Variants in RBM44 observed in about 807,000 individuals in gnomAD.
RBM44 encodes the protein RNA binding motif protein 44.
RBM44 carries 66 observed loss-of-function variants against 105.1 expected under a neutral mutation model. The observed-to-expected ratio is 0.63, with a 90% CI of 0.52 to 0.77. The LOEUF (loss-of-function observed/expected upper bound fraction) is 0.77. RBM44 is among the 30% of genes least tolerant of loss of function. The pLI, the probability that RBM44 is intolerant of heterozygous loss-of-function variation, is 0.00. For synonymous variants in RBM44, 365 were observed against 417.6 expected (o/e 0.87, Z 1.54); for missense variants, 1,122 against 1,207.8 (o/e 0.93, Z 1.05).
In RBM44 at chr2:237,805,176, G is replaced by C. The variant is rs141524930; in HGVS notation, c.-19+6315G>C. Among the ~76,000 whole-genome samples, 61 of 152,242 alleles carry C rather than the reference G, an allele frequency of 4.0e-4. 2 individuals carry two copies. The East Asian group carries it at 0.012, about 29-fold the overall frequency. ...ATATATCAGTGTATAAAAACCAGTA[G>C]CATTTATATACGCCAACAATGACAA... On this transcript the variant is annotated intron_variant, in intron 1 of 15. Coordinates refer to ENST00000316997, the MANE Select transcript of RBM44 (RefSeq NM_001080504.3).
At chr2:237,839,759 C>T (rs1376032518) in intron 15 of RBM44, among the ~76,000 whole-genome samples, 3 of 152,110 alleles carry the variant, frequency 2.0e-5, no homozygotes, top group Non-Finnish European at 4.4e-5. Context: ...ACAACAAAAG[C>T]ATGGACAACA....
At chr2:237,826,146 T>C (rs1373010214) in intron 10 of RBM44, among the ~76,000 whole-genome samples, 30 of 152,096 alleles carry the variant, frequency 2.0e-4, no homozygotes. Flanking sequence ...GCTACTCTTA[T>C]ATATTATTTA....
intron 15 of RBM44, 37 bp downstream of exon 15, chr2:237,834,460 T>C: frequency 9.5e-7 from 1 of 1,051,464 alleles, no homozygotes; most frequent in Non-Finnish European, 1.3e-6. Flanking sequence ...TGAATATTAC[T>C]TAAAATTTAT....
At chr2:237,808,024 T>C (rs2061616472) in intron 1 of RBM44, among the ~76,000 whole-genome samples, 1 of 152,004 alleles carries the variant, frequency 6.6e-6, no homozygotes, top group Admixed American at 6.6e-5. Context: ...AAAACAATAA[T>C]AGACAATACA....
intron 15 of RBM44, 38 bp downstream of exon 15, chr2:237,834,461 T>C: frequency 9.9e-7 from 1 of 1,010,722 alleles, no homozygotes; most frequent in South Asian, 2.0e-5. Flanking sequence ...GAATATTACT[T>C]AAAATTTATA....
intron 1 of RBM44, among the ~76,000 whole-genome samples, chr2:237,802,349 T>C (rs751111694): frequency 6.6e-6 from 1 of 152,172 alleles, no homozygotes; most frequent in Non-Finnish European, 1.5e-5. Flanking sequence ...GAACTGTGCA[T>C]GTGAGGGATC....
At chr2:237,805,638 A>C (rs1054661742) in intron 1 of RBM44, among the ~76,000 whole-genome samples, 7 of 152,184 alleles carry the variant, frequency 4.6e-5, no homozygotes, top group African/African-American at 1.7e-4. Flanking sequence ...ACCATATACA[A>C]AAATTAACTG....
At position 237,834,065 on chromosome 2, in the gene RBM44, A is replaced by T; in HGVS notation, c.2955A>T (p.Ile985=). Residue 985 remains isoleucine (I), a synonymous_variant, in exon 14 of 16, where the codon ATA becomes ATT. Coordinates refer to ENST00000316997, the MANE Select transcript of RBM44 (RefSeq NM_001080504.3). ...TACCTGATACACCCGTTCAATTCAT[A>T]CCTCCAAATACATTGAACCTTCGTA... ...KLLPDTPVQF[I]PPNTLNLRSF... The T allele has an allele frequency of 6.3e-7, 1 of 1,577,014 alleles. No homozygotes were observed. The highest frequency in any genetic ancestry group is 1.3e-5 in the African/African-American group (1 of 74,542).
Position 237,817,128 on chromosome 2 carries a change from A to G in RBM44, c.209A>G (p.Asn70Ser). 6.2e-7 allele frequency: 1 copy of G among 1,609,462 alleles called. No individual in the cohort carries two copies. Among genetic ancestry groups the G allele is most frequent in the Non-Finnish European group, 8.5e-7 (1 of 1,178,336 alleles). ...AGAGCTAATAATAAAGAAATCAGCAATATTGACAAAATGGATTTATTAGAG... is the reference window on the plus strand; with the variant it reads ...AGAGCTAATAATAAAGAAATCAGCAGTATTGACAAAATGGATTTATTAGAG... The part of the protein sequence containing the change: ...EQRANNKEIS[N>S]IDKMDLLEPF... The change falls in exon 3 of 16, where the codon AAT becomes AGT. Residue 70 changes from asparagine (N) to serine (S), a missense_variant. Asn to Ser is a conservative substitution (Grantham distance 46). Around this residue, in one of 3 missense-constraint regions of RBM44, gnomAD observed 918 missense variants for 955.3 expected, o/e 0.96. Transcript: ENST00000316997.
At chr2:237,815,087 G>A (rs1228711191) in intron 2 of RBM44, among the ~76,000 whole-genome samples, 2 of 152,236 alleles carry the variant, frequency 1.3e-5, no homozygotes, top group East Asian at 3.9e-4. Flanking sequence ...GGTGGCTGAG[G>A]CAGGAAGATT....
At chr2:237,799,993 T>C (rs749775363) in intron 1 of RBM44, among the ~76,000 whole-genome samples, 2 of 152,166 alleles carry the variant, frequency 1.3e-5, no homozygotes, top group Non-Finnish European at 2.9e-5. Flanking sequence ...AAAATGGGCA[T>C]GTACCTAGGA....
At chr2:237,805,377 A>G (rs1476025023) in intron 1 of RBM44, among the ~76,000 whole-genome samples, 1 of 152,226 alleles carries the variant, frequency 6.6e-6, no homozygotes, top group Non-Finnish European at 1.5e-5. Context: ...GCTCATGGAT[A>G]AAAAGAATAA....
At chr2:237,800,558 C>T (rs7340135) in intron 1 of RBM44, among the ~76,000 whole-genome samples, 4 of 152,310 alleles carry the variant, frequency 2.6e-5, no homozygotes, top group African/African-American at 9.6e-5. Flanking sequence ...TTGCTCTTCT[C>T]ACCAATTTTT....
intron 1 of RBM44, among the ~76,000 whole-genome samples, 177 bp from the exon 2 acceptor site, chr2:237,813,415 T>C (rs1354262057): frequency 7.2e-5 from 11 of 152,360 alleles, no homozygotes; most frequent in Non-Finnish European, 1.3e-4. Context: ...TAGGGTGATA[T>C]TATGGTCTTT....
At position 237,824,233 on chromosome 2, in the gene RBM44, C is replaced by A. The variant is rs552911074; in HGVS notation, c.2321-58C>A. 1.2e-3 allele frequency: 1,948 copies of A among 1,572,922 alleles called. 7 individuals are homozygous for A. Among genetic ancestry groups the A allele is most frequent in the Middle Eastern group, 7.5e-3 (44 of 5,894 alleles). On this transcript the variant is annotated intron_variant, in intron 9 of 15. Coordinates refer to ENST00000316997, the MANE Select transcript of RBM44 (RefSeq NM_001080504.3). ...TGATTCATCCATGGTTTTAAGGTAA[C>A]TTTTCAGTGTGTTGGACGTTACGTG...
intron 1 of RBM44, among the ~76,000 whole-genome samples, chr2:237,810,873 T>C (rs1275027418): frequency 6.6e-6 from 1 of 152,198 alleles, no homozygotes; most frequent in Non-Finnish European, 1.5e-5. Flanking sequence ...AGGCCACCTC[T>C]CGGGCATTTG....
At chr2:237,799,595 C>G (rs1452419313) in intron 1 of RBM44, among the ~76,000 whole-genome samples, 1 of 152,072 alleles carries the variant, frequency 6.6e-6, no homozygotes. Context: ...CGTGAGCCAC[C>G]GCGCCCGGCC....
intron 2 of RBM44, among the ~76,000 whole-genome samples, chr2:237,816,288 T>A (rs2061714124): frequency 6.6e-6 from 1 of 152,188 alleles, no homozygotes; most frequent in Non-Finnish European, 1.5e-5. Flanking sequence ...TATGACCCTA[T>A]GAAAACTATA....
chr2:237,839,046 T>C (rs932648898), intron 15 of RBM44, among the ~76,000 whole-genome samples: 3 of 152,140 alleles, frequency 2.0e-5, no homozygotes, highest in African/African-American at 7.2e-5. Context: ...CACTCATCAT[T>C]TCTGGAAATG....
Sources: allele counts gnomAD v4.1 joint callset (sites outside exome capture counted in the v4.1 genomes callset), GRCh38; gene constraint gnomAD v4.1.1; regional missense constraint gnomAD v4.1.1; transcripts MANE v1.5; gene names NCBI Gene and HGNC (gene_info 2026-07-23, HGNC 2026-07-21).